PTH1R: variants seen among roughly 807,000 people sequenced by gnomAD.
PTH1R encodes the protein parathyroid hormone 1 receptor.
Under a neutral mutation model 70.7 loss-of-function variants are expected in PTH1R, and 32 were observed. That is an observed-to-expected ratio of 0.45 (90% CI 0.34 to 0.61). The LOEUF is 0.61. Ranked by LOEUF, PTH1R falls within the 20% of genes least tolerant of loss-of-function variation. The probability of loss-of-function intolerance (pLI) is 0.01; values close to 1 mark genes in which losing one functional copy is unlikely to be tolerated. For missense variants in PTH1R, 626 were observed against 792.5 expected, an observed-to-expected ratio of 0.79 and a Z score of 2.52; for synonymous variants, 329 against 324.8, an observed-to-expected ratio of 1.01 and a Z score of -0.14.
rs202097393 is a variant in PTH1R, at chr3:46,895,874, G to A, written c.313+5G>A. 1.2e-5 allele frequency: 19 copies of A among 1,612,194 alleles called. No homozygotes were observed. Among genetic ancestry groups the A allele is most frequent in the East Asian group, 2.2e-5 (1 of 44,866 alleles). On this transcript the variant is annotated splice_donor_5th_base_variant and intron_variant, in intron 5 of 15. Transcript: ENST00000449590. ...CCACTGGCAGCAGGTACCGAGGTAC[G>A]TCTCTGCTTCCATGCATCCAGCTGG...
rs765748532 is a variant in PTH1R at position 46,894,021 on chromosome 3, AG to A, written c.178+14del. On this transcript the variant is annotated intron_variant, in intron 4 of 15. Coordinates refer to ENST00000449590, the MANE Select transcript of PTH1R (RefSeq NM_000316.3). ...CCTGCAGAGGCCAGGTGGGGGTCAAAGGAAGAGGGTCTGGGGATGAGGTCAG... is the reference window on the plus strand; with the variant it reads ...CCTGCAGAGGCCAGGTGGGGGTCAAAGAAGAGGGTCTGGGGATGAGGTCAG... 4.3e-6 allele frequency: 7 copies of A among 1,613,276 alleles called. No individual in the cohort carries two copies. In the African/African-American group the frequency reaches 8.0e-5, roughly 18 times the overall value.
At position 46,893,480 on chromosome 3, in the gene PTH1R, G is replaced by T. The variant is rs2031551871; in HGVS notation, c.76-427G>T. Among the ~76,000 whole-genome samples, 1 of 152,080 alleles carries T rather than the reference G, an allele frequency of 6.6e-6. No individual in the cohort carries two copies. Among genetic ancestry groups the T allele is most frequent in the Admixed American group, 6.5e-5 (1 of 15,274 alleles). Reference sequence around the variant, plus strand: ...CCAGGACTTGAAGGACTCCAGGCTGGGTTTGTCTCCCCACAGTTCACCACT... The same window carrying T: ...CCAGGACTTGAAGGACTCCAGGCTGTGTTTGTCTCCCCACAGTTCACCACT... On this transcript the variant is annotated intron_variant, in intron 3 of 15. Transcript: ENST00000449590. The surrounding 1 kb of genome is among the most constrained non-coding windows in gnomAD (Gnocchi z 5.2).
intron 2 of PTH1R, among the ~76,000 whole-genome samples, chr3:46,881,700 G>C (rs572345384): frequency 6.6e-6 from 1 of 152,216 alleles, no homozygotes; most frequent in Non-Finnish European, 1.5e-5. Context: ...TGGGACTGAG[G>C]GCAGGGGACG....
intron 3 of PTH1R, among the ~76,000 whole-genome samples, chr3:46,890,565 G>A (rs916981592): frequency 5.0e-5 from 7 of 139,338 alleles, no homozygotes; most frequent in African/African-American, 1.6e-4. Context: ...GTGCAATGGC[G>A]CGATCTCGGC....
At chr3:46,889,348 A>T (rs2031249325) in intron 3 of PTH1R, among the ~76,000 whole-genome samples, 1 of 152,144 alleles carries the variant, frequency 6.6e-6, no homozygotes, top group Non-Finnish European at 1.5e-5. Flanking sequence ...GCCTTAGGGG[A>T]TCTGCAAAGG....
chr3:46,886,579 G>A (rs1335997950), intron 3 of PTH1R, among the ~76,000 whole-genome samples: 2 of 152,000 alleles, frequency 1.3e-5, no homozygotes, highest in Non-Finnish European at 2.9e-5. Flanking sequence ...GGATGGTCTC[G>A]ATCTCCTGAC....
At chr3:46,895,514 G>A (rs1163267487) in intron 4 of PTH1R, among the ~76,000 whole-genome samples, 4 of 152,070 alleles carry the variant, frequency 2.6e-5, no homozygotes, top group African/African-American at 9.7e-5. Context: ...CCAACCCTGG[G>A]GGACAATCTC....
chr3:46,902,581 GTCT>G lies in PTH1R; in HGVS notation c.1270_1272del (p.Phe424del). ...GCCCCTCTTTGGCGTCCACTACATT[GTCT>G]TCATGGCCACACCATACACCGAGGT... On this transcript the variant is annotated inframe_deletion, in exon 14 of 16. Transcript: ENST00000449590. The surrounding 1 kb of genome is among the most constrained non-coding windows in gnomAD (Gnocchi z 5.4). 1 of 1,613,714 alleles carries G rather than the reference GTCT, an allele frequency of 6.2e-7. No homozygotes were observed.
In PTH1R at chr3:46,898,364, C is replaced by T. The variant is rs200489970; in HGVS notation, c.544-14C>T. On this transcript the variant is annotated splice_polypyrimidine_tract_variant and intron_variant, in intron 7 of 15. Transcript: ENST00000449590. ...TCCCAGGGCTCTGACTGTGTCTCCC[C>T]CCGCCCCGCACAGGAGGTGTTTGAC... 19 of 1,613,176 alleles carry T rather than the reference C, an allele frequency of 1.2e-5. No homozygotes were observed. Among genetic ancestry groups the T allele is most frequent in the Non-Finnish European group, 1.6e-5 (19 of 1,179,204 alleles).
intron 3 of PTH1R, among the ~76,000 whole-genome samples, chr3:46,886,148 G>C (rs553744153): frequency 3.3e-5 from 5 of 152,312 alleles, no homozygotes; most frequent in Non-Finnish European, 7.4e-5. Flanking sequence ...TCTTGTCCTT[G>C]AGGATGCGTC....
Position 46,903,032 on chromosome 3 carries a change from T to G in PTH1R, c.1396-238T>G, listed in dbSNP as rs2032224743. 1 of 980,102 alleles carries G rather than the reference T, an allele frequency of 1.0e-6. No individual in the cohort carries two copies. The highest frequency in any genetic ancestry group is 1.6e-5 in the African/African-American group (1 of 62,248). 60.7% of individuals were successfully genotyped at this position (980,102 alleles called of 1,614,324 possible). On this transcript the variant is annotated intron_variant, in intron 15 of 15. Transcript: ENST00000449590. This position sits in a 1 kb window ranked among gnomAD's most constrained non-coding sequence, Gnocchi z 4.4. ...TTCCCAGCCCCATGGTTCAATTATC[T>G]GTGACCCAGATTGGAGGACTCAGCC...
Position 46,903,298 on chromosome 3 carries a change from G to A in PTH1R, c.1424G>A (p.Ser475Asn), listed in dbSNP as rs752109085. 6.2e-7 allele frequency: 1 copy of A among 1,613,250 alleles called. No homozygotes were observed. Among genetic ancestry groups the A allele is most frequent in the Non-Finnish European group, 8.5e-7 (1 of 1,180,012 alleles). The change falls in exon 16 of 16, where the codon AGC (serine) becomes AAC (asparagine). Residue 475 changes from serine (S) to asparagine (N), a missense_variant. Around this residue, in one of 3 missense-constraint regions of PTH1R, gnomAD observed 495 missense variants for 638.7 expected, o/e 0.77. Coordinates refer to ENST00000449590, the MANE Select transcript of PTH1R (RefSeq NM_000316.3). The surrounding 1 kb of genome is among the most constrained non-coding windows in gnomAD (Gnocchi z 4.4). ...EVQAEIKKSW[S>N]RWTLALDFKR... ...CAAGCTGAGATCAAGAAATCTTGGA[G>A]CCGCTGGACACTGGCACTGGACTTC...
At position 46,879,346 on chromosome 3, in the gene PTH1R, A is replaced by C. The variant is rs926867270; in HGVS notation, c.-106+1503A>C. 1.3e-5 allele frequency among the ~76,000 whole-genome samples: 2 copies of C among 152,346 alleles called. No individual in the cohort carries two copies. The highest frequency in any genetic ancestry group is 4.8e-5 in the African/African-American group (2 of 41,574). On this transcript the variant is annotated intron_variant, in intron 1 of 15. Coordinates refer to ENST00000449590, the MANE Select transcript of PTH1R (RefSeq NM_000316.3). This position sits in a 1 kb window ranked among gnomAD's most constrained non-coding sequence, Gnocchi z 4.7. ...CCCTCAGCCTCTAGTTTTATCTCTC[A>C]GTCCTTCCAATCCCTCCATTAATGT...
At position 46,903,037 on chromosome 3, in the gene PTH1R, C is replaced by T; in HGVS notation, c.1396-233C>T. The T allele has an allele frequency of 1.0e-6, 1 of 993,640 alleles. No individual in the cohort carries two copies. Among genetic ancestry groups the T allele is most frequent in the East Asian group, 2.6e-5 (1 of 38,282 alleles). The allele number at this position is 993,640 out of a possible 1,614,324, so 61.6% of individuals were successfully genotyped here. ...AGCCCCATGGTTCAATTATCTGTGACCCAGATTGGAGGACTCAGCCACCTT... is the reference window on the plus strand; with the variant it reads ...AGCCCCATGGTTCAATTATCTGTGATCCAGATTGGAGGACTCAGCCACCTT... On this transcript the variant is annotated intron_variant, in intron 15 of 15. Coordinates refer to ENST00000449590, the MANE Select transcript of PTH1R (RefSeq NM_000316.3). The surrounding 1 kb of genome is among the most constrained non-coding windows in gnomAD (Gnocchi z 4.4).
Position 46,883,156 on chromosome 3 carries a change from GAAA to G in PTH1R, c.-48-355_-48-353del. ...TTTCCCCAAAAGAAAAAAAAAGAAAGAAAGAAAGAAAGAAAGAAAGAAAAGGCG... is the reference window on the plus strand; with the variant it reads ...TTTCCCCAAAAGAAAAAAAAAGAAAGGAAAGAAAGAAAGAAAGAAAAGGCG... On this transcript the variant is annotated intron_variant, in intron 2 of 15. Coordinates refer to ENST00000449590, the MANE Select transcript of PTH1R (RefSeq NM_000316.3). The surrounding 1 kb of genome is among the most constrained non-coding windows in gnomAD (Gnocchi z 6.4). 6.7e-6 allele frequency among the ~76,000 whole-genome samples: 1 copy of G among 149,676 alleles called. No individual in the cohort carries two copies. The highest frequency in any genetic ancestry group is 2.0e-4 in the East Asian group (1 of 5,022).
In PTH1R at chr3:46,903,228, G is replaced by T; in HGVS notation, c.1396-42G>T. On this transcript the variant is annotated intron_variant, in intron 15 of 15. Coordinates refer to ENST00000449590, the MANE Select transcript of PTH1R (RefSeq NM_000316.3). The surrounding 1 kb of genome is among the most constrained non-coding windows in gnomAD (Gnocchi z 4.4). ...GGGGCCGGGATGGGGCATCGCTGGG[G>T]TTGGGAGACACACCTGACTGCCGCA... is the stretch of plus-strand genomic sequence containing the variant. 1 of 1,609,782 alleles carries T rather than the reference G, an allele frequency of 6.2e-7. No individual in the cohort carries two copies. The highest frequency in any genetic ancestry group is 1.1e-5 in the South Asian group (1 of 90,672).
At position 46,902,716 on chromosome 3, in the gene PTH1R, G is replaced by A. The variant is rs756880347; in HGVS notation, c.1354-33G>A. On this transcript the variant is annotated intron_variant, in intron 14 of 15. Coordinates refer to ENST00000449590, the MANE Select transcript of PTH1R (RefSeq NM_000316.3). This position sits in a 1 kb window ranked among gnomAD's most constrained non-coding sequence, Gnocchi z 5.4. ...GGCTGAGGGTGGGAGGGGTTCCGGG[G>A]GCAGGCCTGATTCGAGACACCCCTC... is the stretch of plus-strand genomic sequence containing the variant. The A allele has an allele frequency of 3.7e-6, 6 of 1,614,046 alleles. No homozygotes were observed. Among genetic ancestry groups the A allele is most frequent in the African/African-American group, 1.3e-5 (1 of 74,992 alleles).
chr3:46,901,878 G>A lies in PTH1R; in HGVS notation c.1211+18G>A, dbSNP rs751517565. Reference sequence around the variant, plus strand: ...CAGTACCGGTGAGCCCACCATGCCTGCCATGCCCTGGCTCCTCAGGGGTCC... The same window carrying A: ...CAGTACCGGTGAGCCCACCATGCCTACCATGCCCTGGCTCCTCAGGGGTCC... On this transcript the variant is annotated intron_variant, in intron 13 of 15. Transcript: ENST00000449590. The surrounding 1 kb of genome is among the most constrained non-coding windows in gnomAD (Gnocchi z 7.3). 5 of 1,605,040 alleles carry A rather than the reference G, an allele frequency of 3.1e-6. No individual in the cohort carries two copies. In the African/African-American group the frequency reaches 5.4e-5, roughly 17 times the overall value.
In PTH1R at chr3:46,901,347, G is replaced by A; in HGVS notation, c.1050-67G>A. 7 of 1,531,624 alleles carry A rather than the reference G, an allele frequency of 4.6e-6. No individual in the cohort carries two copies. Among genetic ancestry groups the A allele is most frequent in the Middle Eastern group, 1.7e-4 (1 of 5,958 alleles). 94.9% of individuals were successfully genotyped at this position (1,531,624 alleles called of 1,614,324 possible). On this transcript the variant is annotated intron_variant, in intron 11 of 15. Coordinates refer to ENST00000449590, the MANE Select transcript of PTH1R (RefSeq NM_000316.3). The surrounding 1 kb of genome is among the most constrained non-coding windows in gnomAD (Gnocchi z 7.3). ...GCTAATGTCAGACCAGACCAAATCTGGGTCTCTGTGGGCAGTCTTAGGATG... is the reference window on the plus strand; with the variant it reads ...GCTAATGTCAGACCAGACCAAATCTAGGTCTCTGTGGGCAGTCTTAGGATG...
Sources: gnomAD v4.1 joint callset for allele counts (sites outside exome capture counted in the v4.1 genomes callset) on GRCh38, gnomAD v4.1.1 for gene constraint, gnomAD v4.1.1 regional missense constraint, Gnocchi (gnomAD v3.1) non-coding constraint, MANE v1.5 for transcripts, NCBI Gene and HGNC (gene_info 2026-07-23, HGNC 2026-07-21) for gene names.